Variants in CIAPIN1 observed in about 807,000 individuals in gnomAD.
CIAPIN1 encodes the protein cytokine induced apoptosis inhibitor 1, also known as anamorsin.
A neutral mutation model predicts 34.3 loss-of-function variants in CIAPIN1; 18 were observed. The ratio of observed to expected loss-of-function variants is 0.52; its 90% CI spans 0.36 to 0.78. The LOEUF is 0.78. CIAPIN1 is among the 30% of genes least tolerant of loss of function. The pLI is 0.00. For missense variants in CIAPIN1, 310 were observed against 372.5 expected (o/e 0.83, Z 1.38); for synonymous variants, 131 against 140.4 (o/e 0.93, Z 0.47).
intron 3 of CIAPIN1, among the ~76,000 whole-genome samples, chr16:57,437,075 C>T (rs955049508): frequency 5.3e-5 from 8 of 151,914 alleles, no homozygotes; most frequent in African/African-American, 1.5e-4. Flanking sequence ...TGCAGTGAGC[C>T]GAGATTGCAC....
At chr16:57,433,826 A>C (rs914198176) in intron 5 of CIAPIN1, 8 of 445,586 alleles carry the variant, frequency 1.8e-5, no homozygotes, top group Admixed American at 1.7e-4. Context: ...TCTGGTGCAG[A>C]AGAAGGAGCT....
chr16:57,430,071 C>T (rs1423031051), intron 8 of CIAPIN1, among the ~76,000 whole-genome samples, 187 bp downstream of exon 8: 1 of 152,226 alleles, frequency 6.6e-6, no homozygotes, highest in East Asian at 1.9e-4. Context: ...CCCTGACCAG[C>T]ACAAGCACGC....
intron 2 of CIAPIN1, among the ~76,000 whole-genome samples, chr16:57,440,185 C>T (rs1313960153): frequency 9.8e-5 from 15 of 152,348 alleles, no homozygotes; most frequent in African/African-American, 3.4e-4. Context: ...GTAGCACTCC[C>T]AGGCCTGTTA....
intron 5 of CIAPIN1, chr16:57,433,822 G>A (rs988434804): frequency 4.1e-5 from 18 of 436,928 alleles, no homozygotes; most frequent in African/African-American, 3.6e-4. Context: ...ATCTTCTGGT[G>A]CAGAAGAAGG....
At chr16:57,437,364 A>G (rs1903227038) in intron 3 of CIAPIN1, among the ~76,000 whole-genome samples, 1 of 152,138 alleles carries the variant, frequency 6.6e-6, no homozygotes, top group African/African-American at 2.4e-5. Context: ...CAAGTGTCCT[A>G]AGCGTGTTTA....
intron 3 of CIAPIN1, among the ~76,000 whole-genome samples, chr16:57,438,708 A>T (rs1244696261): frequency 6.6e-6 from 1 of 152,186 alleles, no homozygotes; most frequent in Non-Finnish European, 1.5e-5. Flanking sequence ...TTATAGCTCC[A>T]CCAACCCTTT....
At chr16:57,429,743 T>C (rs1011817961) in intron 8 of CIAPIN1, among the ~76,000 whole-genome samples, 6 of 151,000 alleles carry the variant, frequency 4.0e-5, no homozygotes, top group South Asian at 2.1e-4. Flanking sequence ...CCGCCCTCCT[T>C]GGCCTCCCAA....
At chr16:57,431,348 A>C (rs1903083242) in intron 6 of CIAPIN1, 82 bp from the exon 7 acceptor site, 2 of 890,636 alleles carry the variant, frequency 2.2e-6, no homozygotes, top group Non-Finnish European at 3.6e-6. Context: ...CTTCGAGAGG[A>C]AACTTGGAGT....
At chr16:57,437,353 G>T (rs537858531) in intron 3 of CIAPIN1, among the ~76,000 whole-genome samples, 1 of 152,154 alleles carries the variant, frequency 6.6e-6, no homozygotes, top group South Asian at 2.1e-4. Flanking sequence ...GTAGGCTAAC[G>T]CAAGTGTCCT....
Position 57,438,035 on chromosome 16 carries a change from C to CT in CIAPIN1, c.310+1146dup, listed in dbSNP as rs537086487. 4.6e-5 allele frequency among the ~76,000 whole-genome samples: 7 copies of CT among 152,190 alleles called. No homozygotes were observed. The South Asian group carries it at 1.5e-3, about 32-fold the overall frequency. Reference sequence around the variant, plus strand: ...CACAAGTATTCCTTCTGAATAGTTCCTTTTTTATCTCTGTATAGTTCTAAG... The same window carrying CT: ...CACAAGTATTCCTTCTGAATAGTTCCTTTTTTTATCTCTGTATAGTTCTAAG... On this transcript the variant is annotated intron_variant, in intron 3 of 8. Coordinates refer to ENST00000394391, the MANE Select transcript of CIAPIN1 (RefSeq NM_020313.4).
intron 4 of CIAPIN1, among the ~76,000 whole-genome samples, chr16:57,434,533 A>G (rs767820857): frequency 2.0e-5 from 3 of 152,236 alleles, no homozygotes; most frequent in Non-Finnish European, 4.4e-5. Context: ...ACTGTGTAAC[A>G]GGAAAGAATG....
rs780095243 is a variant in CIAPIN1 at position 57,436,749 on chromosome 16, C to A, written c.311-17G>T. The A allele has an allele frequency of 6.2e-7, 1 of 1,605,916 alleles. No individual in the cohort carries two copies. Among genetic ancestry groups the A allele is most frequent in the East Asian group, 2.2e-5 (1 of 44,752 alleles). ...TATTGTTATCTGCCAAAAGGAAAAT[C>A]CCAATTAATAGCTTTATAGTTCAAA... On this transcript the variant is annotated splice_polypyrimidine_tract_variant and intron_variant, in intron 3 of 8. Transcript: ENST00000394391.
chr16:57,429,129 A>G lies in CIAPIN1; in HGVS notation c.*41T>C. 2.2e-6 allele frequency: 3 copies of G among 1,345,894 alleles called. No homozygotes were observed. The highest frequency in any genetic ancestry group is 3.2e-6 in the Non-Finnish European group (3 of 937,874). The allele number at this position is 1,345,894 out of a possible 1,614,324, so 83.4% of individuals were successfully genotyped here. On this transcript the variant is annotated 3_prime_UTR_variant, in exon 9 of 9. Coordinates refer to ENST00000394391, the MANE Select transcript of CIAPIN1 (RefSeq NM_020313.4). Reference sequence around the variant, plus strand: ...ACCATGGTGGGATGTGAGGGACAGGAGTTGGCTGGAGGAGCAGATGGGTCC... The same window carrying G: ...ACCATGGTGGGATGTGAGGGACAGGGGTTGGCTGGAGGAGCAGATGGGTCC...
chr16:57,444,067 G>A (rs184919934), intron 1 of CIAPIN1, among the ~76,000 whole-genome samples: 2 of 152,248 alleles, frequency 1.3e-5, no homozygotes, highest in East Asian at 1.9e-4. Flanking sequence ...TAAAGGAAAC[G>A]AAGGGCAAAA....
chr16:57,444,841 A>G (rs1344078185), intron 1 of CIAPIN1, among the ~76,000 whole-genome samples: 1 of 152,204 alleles, frequency 6.6e-6, no homozygotes. Flanking sequence ...GTAAGGAAAA[A>G]GTGTCCAGTA....
At chr16:57,446,827 A>G (rs1336801932) in intron 1 of CIAPIN1, among the ~76,000 whole-genome samples, 1 of 152,186 alleles carries the variant, frequency 6.6e-6, no homozygotes, top group African/African-American at 2.4e-5. Context: ...ATACTTAATT[A>G]TATCAACTCA....
intron 4 of CIAPIN1, among the ~76,000 whole-genome samples, chr16:57,435,925 T>C (rs763556308): frequency 5.7e-4 from 87 of 152,388 alleles, no homozygotes; most frequent in Non-Finnish European, 1.1e-3. Context: ...TCAAAGAGTG[T>C]AGAAATATAA....
intron 2 of CIAPIN1, among the ~76,000 whole-genome samples, chr16:57,439,960 C>T (rs1903290618): frequency 6.6e-6 from 1 of 152,222 alleles, no homozygotes; most frequent in Admixed American, 6.5e-5. Context: ...AGGGAGATAA[C>T]CATCAGGTCT....
At position 57,428,868 on chromosome 16, in the gene CIAPIN1, T is replaced by A. The variant is rs1228308785; in HGVS notation, c.*302A>T. ...CAACGATGCCTGGGCTCAAGAGCGT[T>A]CTGGTCAGCATTTTAACATCAGAAG... On this transcript the variant is annotated 3_prime_UTR_variant, in exon 9 of 9. Coordinates refer to ENST00000394391, the MANE Select transcript of CIAPIN1 (RefSeq NM_020313.4). 3 of 286,622 alleles carry A rather than the reference T, an allele frequency of 1.0e-5. No individual in the cohort carries two copies. The highest frequency in any genetic ancestry group is 2.0e-5 in the Non-Finnish European group (3 of 151,310). 17.8% of individuals were successfully genotyped at this position (286,622 alleles called of 1,614,324 possible). A position where few individuals can be genotyped will look rare whatever the true frequency, so the allele number is the denominator to read the frequency against.
Sources: allele counts gnomAD v4.1 joint callset (sites outside exome capture counted in the v4.1 genomes callset), GRCh38; gene constraint gnomAD v4.1.1; transcripts MANE v1.5; gene names NCBI Gene and HGNC (gene_info 2026-07-23, HGNC 2026-07-21).